Variants in RNF19A observed in about 807,000 individuals in gnomAD.
The protein encoded by RNF19A is ring finger protein 19A, RBR E3 ubiquitin protein ligase, also known as E3 ubiquitin-protein ligase RNF19A.
In RNF19A, 32 loss-of-function variants were observed where a neutral mutation model predicts 75.7. The ratio of observed to expected loss-of-function variants is 0.42; its 90% CI spans 0.32 to 0.57. RNF19A has a LOEUF of 0.57. Ranked by LOEUF, RNF19A falls within the 20% of genes least tolerant of loss-of-function variation. RNF19A has a pLI of 0.10. For synonymous variants in RNF19A, 335 were observed against 345.2 expected, an observed-to-expected ratio of 0.97 and a Z score of 0.33; for missense variants, 782 against 1,036.3, an observed-to-expected ratio of 0.75 and a Z score of 3.37.
chr8:100,291,185 G>A (rs954726708), intron 1 of RNF19A, among the ~76,000 whole-genome samples: 2 of 152,166 alleles, frequency 1.3e-5, no homozygotes, highest in African/African-American at 4.8e-5. Context: ...AAATATGGAT[G>A]ATACCACTCA....
At position 100,287,641 on chromosome 8, in the gene RNF19A, T is replaced by C. The variant is rs1186604558; in HGVS notation, c.534A>G (p.Glu178=). The change falls in exon 2 of 10, where the codon GAA becomes GAG. Residue 178 remains glutamate (E), a synonymous_variant. Transcript: ENST00000341084. The surrounding 1 kb of genome is among the most constrained non-coding windows in gnomAD (Gnocchi z 4.1). ...CATGGGGATTAAACCGTTCAGTACATTCTGGGCAACTAATATTAACTCTGC... is the reference window on the plus strand; with the variant it reads ...CATGGGGATTAAACCGTTCAGTACACTCTGGGCAACTAATATTAACTCTGC... ...SESRVNISCP[E]CTERFNPHDI... 1.9e-6 allele frequency: 3 copies of C among 1,614,186 alleles called. No individual in the cohort carries two copies. The highest frequency in any genetic ancestry group is 2.5e-6 in the Non-Finnish European group (3 of 1,180,010).
At chr8:100,314,355 C>T (rs547427371), upstream of RNF19A, among the ~76,000 whole-genome samples, 1 of 152,208 alleles carries the variant, frequency 6.6e-6, no homozygotes, top group African/African-American at 2.4e-5. The surrounding 1 kb of genome is among the most constrained non-coding windows in gnomAD (Gnocchi z 4.1). Flanking sequence ...TCAAGAATCC[C>T]TAAAGCTCCC....
chr8:100,293,196 T>C (rs1347597231), intron 1 of RNF19A, among the ~76,000 whole-genome samples: 1 of 152,182 alleles, frequency 6.6e-6, no homozygotes, highest in Non-Finnish European at 1.5e-5. Context: ...GGCCCAAGGG[T>C]TGGGGAGCCC....
chr8:100,281,092 T>A (rs1035349824), intron 2 of RNF19A, among the ~76,000 whole-genome samples: 1 of 152,132 alleles, frequency 6.6e-6, no homozygotes, highest in African/African-American at 2.4e-5. Context: ...CCTTCCATGG[T>A]CCATTATTTA....
At chr8:100,262,180 C>T (rs1444958273) in intron 7 of RNF19A, among the ~76,000 whole-genome samples, 1 of 152,116 alleles carries the variant, frequency 6.6e-6, no homozygotes, top group Non-Finnish European at 1.5e-5. Context: ...TTTTACAGTA[C>T]CTCTCACACA....
chr8:100,257,147 A>C lies in RNF19A; in HGVS notation c.*1409T>G, dbSNP rs184577747. The C allele has an allele frequency of 3.9e-5, 6 of 152,784 alleles. No individual in the cohort carries two copies. The highest frequency in any genetic ancestry group is 3.4e-3 in the Middle Eastern group (1 of 294). 9.5% of individuals were successfully genotyped at this position (152,784 alleles called of 1,614,324 possible). A position where few individuals can be genotyped will look rare whatever the true frequency, so the allele number is the denominator to read the frequency against. ...AAAATTGGAATGCAAACAAATATAC[A>C]AATACCATAAGCATTATCAAATAAA... On this transcript the variant is annotated 3_prime_UTR_variant, in exon 10 of 10. Coordinates refer to ENST00000341084, the MANE Select transcript of RNF19A (RefSeq NM_183419.4).
At chr8:100,300,247 G>A (rs73282749) in intron 1 of RNF19A, among the ~76,000 whole-genome samples, 1 of 152,126 alleles carries the variant, frequency 6.6e-6, no homozygotes, top group South Asian at 2.1e-4. Context: ...TATAAGGAAA[G>A]AAAAGGGAGT....
intron 5 of RNF19A, among the ~76,000 whole-genome samples, chr8:100,267,874 C>T (rs1442149795): frequency 6.6e-6 from 1 of 151,758 alleles, no homozygotes; most frequent in African/African-American, 2.4e-5. Flanking sequence ...GATGGGGTTT[C>T]ACCATGTTGG....
At chr8:100,328,661 G>A (rs529850390) in intron 1 of RNF19A, among the ~76,000 whole-genome samples, 8 of 152,026 alleles carry the variant, frequency 5.3e-5, no homozygotes, top group African/African-American at 1.4e-4. Flanking sequence ...CAGTAGAGAC[G>A]GGGTTTCACC....
chr8:100,305,192 C>T (rs529063287), intron 1 of RNF19A, among the ~76,000 whole-genome samples: 2 of 152,310 alleles, frequency 1.3e-5, no homozygotes, highest in South Asian at 4.1e-4. Flanking sequence ...CTCAGCTCCC[C>T]ATACTGCTGG....
Position 100,258,987 on chromosome 8 carries a change from G to T in RNF19A, c.2086C>A (p.Gln696Lys), listed in dbSNP as rs1211024879. 3.1e-6 allele frequency: 5 copies of T among 1,614,210 alleles called. No homozygotes were observed. Among genetic ancestry groups the T allele is most frequent in the Non-Finnish European group, 3.4e-6 (4 of 1,180,040 alleles). Residue 696 changes from glutamine to lysine, a missense_variant, in exon 10 of 10, where the codon CAG becomes AAG. Physicochemically the swap from Gln to Lys is moderately conservative, Grantham distance 53 (BLOSUM62 1). Around this residue, in one of 7 missense-constraint regions of RNF19A, gnomAD observed 442 missense variants for 541.6 expected, o/e 0.82. Coordinates refer to ENST00000341084, the MANE Select transcript of RNF19A (RefSeq NM_183419.4). The surrounding 1 kb of genome is among the most constrained non-coding windows in gnomAD (Gnocchi z 4.3). ...TTCGTGCTTTGTTGTTCTAACAACT[G>T]TGCATCCATGTCCTCTCTCGTCTCA... ...INETREDMDAQLLEQQSTNSS... is the reference protein window; with the variant it reads ...INETREDMDAKLLEQQSTNSS...
At chr8:100,283,788 A>C (rs529815540) in intron 2 of RNF19A, among the ~76,000 whole-genome samples, 1 of 152,358 alleles carries the variant, frequency 6.6e-6, no homozygotes, top group South Asian at 2.1e-4. Flanking sequence ...TTTCTGGAAA[A>C]GAACCTTTCA....
At chr8:100,334,993 T>C (rs1822658908) in intron 1 of RNF19A, among the ~76,000 whole-genome samples, 1 of 152,230 alleles carries the variant, frequency 6.6e-6, no homozygotes, top group Admixed American at 6.5e-5. Flanking sequence ...AACAATACCC[T>C]GTTGTTATAC....
At chr8:100,274,158 T>G (rs1417699043) in intron 3 of RNF19A, among the ~76,000 whole-genome samples, 1 of 152,194 alleles carries the variant, frequency 6.6e-6, no homozygotes. Flanking sequence ...AATGTGGGAT[T>G]TGAATTCAGG....
chr8:100,278,869 G>A (rs1026534829), intron 2 of RNF19A, among the ~76,000 whole-genome samples: 1 of 152,094 alleles, frequency 6.6e-6, no homozygotes, highest in Non-Finnish European at 1.5e-5. Context: ...AAAATTTCAT[G>A]ACAAGTTCCA....
chr8:100,279,270 C>A (rs954388580), intron 2 of RNF19A, among the ~76,000 whole-genome samples: 3 of 152,006 alleles, frequency 2.0e-5, no homozygotes, highest in Non-Finnish European at 2.9e-5. Context: ...TATATACACA[C>A]GGTATATTTA....
rs1822012393 is a variant in RNF19A at position 100,305,137 on chromosome 8, A to G, written c.-94+4730T>C. On this transcript the variant is annotated intron_variant, in intron 1 of 9. Transcript: ENST00000341084. ...TTTTTAGTAGAGGCAGGGTTTCACC[A>G]TGTTGGTCAGGCTAGTCTTGCCCGA... 2.0e-5 allele frequency among the ~76,000 whole-genome samples: 3 copies of G among 152,160 alleles called. 1 individual carries two copies. The South Asian group carries it at 6.2e-4, about 32-fold the overall frequency.
At chr8:100,272,538 CTTT>C (rs368580933) in intron 3 of RNF19A, among the ~76,000 whole-genome samples, 1 of 144,380 alleles carries the variant, frequency 6.9e-6, no homozygotes, top group Non-Finnish European at 1.5e-5. Context: ...GTTCACTACA[CTTT>C]TTTTTTTTTT....
chr8:100,309,353 C>A (rs1289853443), intron 1 of RNF19A: 2 of 985,674 alleles, frequency 2.0e-6, no homozygotes, highest in African/African-American at 3.5e-5. Flanking sequence ...GCTTGCGGGG[C>A]GATGTCCCGG....
Sources: allele counts gnomAD v4.1 joint callset (sites outside exome capture counted in the v4.1 genomes callset), GRCh38; gene constraint gnomAD v4.1.1; regional missense constraint gnomAD v4.1.1; non-coding constraint Gnocchi (gnomAD v3.1); transcripts MANE v1.5; gene names NCBI Gene and HGNC (gene_info 2026-07-23, HGNC 2026-07-21).